The following ESYT2 variants were observed in gnomAD, a reference collection of about 807,000 sequenced individuals.
ESYT2 encodes the protein extended synaptotagmin 2.
Under a neutral mutation model 107.2 loss-of-function variants are expected in ESYT2, and 54 were observed. The observed-to-expected ratio is 0.50, with a 90% CI of 0.40 to 0.63. ESYT2 has a LOEUF of 0.63. Ranked by LOEUF, ESYT2 falls within the 30% of genes least tolerant of loss-of-function variation. The pLI is 0.00. For missense variants in ESYT2, 1,020 were observed against 1,094.5 expected, an observed-to-expected ratio of 0.93 and a Z score of 0.96; for synonymous variants, 491 against 434.1, an observed-to-expected ratio of 1.13 and a Z score of -1.63.
At chr7:158,757,791 T>C (rs1013242290) in intron 13 of ESYT2, among the ~76,000 whole-genome samples, 12 of 152,134 alleles carry the variant, frequency 7.9e-5, no homozygotes, top group Admixed American at 3.3e-4. Flanking sequence ...TTTGCTTATG[T>C]GACATTATTC....
At chr7:158,823,368 C>G (rs1323206149) in intron 1 of ESYT2, among the ~76,000 whole-genome samples, 2 of 148,896 alleles carry the variant, frequency 1.3e-5, no homozygotes, top group Non-Finnish European at 3.0e-5. Flanking sequence ...GCTCTGTCGC[C>G]CAGGCTGGAG....
At chr7:158,799,272 AAC>A (rs1839562414) in intron 1 of ESYT2, among the ~76,000 whole-genome samples, 200 bp from the exon 2 acceptor site, 1 of 152,208 alleles carries the variant, frequency 6.6e-6, no homozygotes. Context: ...ACGTTCTGAG[AAC>A]ACAATGAGCA....
chr7:158,768,281 C>G (rs574630382), intron 7 of ESYT2, among the ~76,000 whole-genome samples: 1 of 152,216 alleles, frequency 6.6e-6, no homozygotes. Context: ...CCAGTCCCCA[C>G]TGAAGGAGAA....
chr7:158,737,300 A>C, intron 19 of ESYT2, 121 bp from the exon 20 acceptor site: 1 of 1,334,412 alleles, frequency 7.5e-7, no homozygotes, highest in African/African-American at 1.5e-5. Flanking sequence ...AGAAGCAACA[A>C]GGAACAGAAT....
rs114834634 is a variant in ESYT2, at chr7:158,734,662, G to A, written c.2506-191C>T. ...CAAATTTATCTGGGCGTGCTGACAC[G>A]CACCTTGGTCCCAGCAACTCGGGAG... On this transcript the variant is annotated intron_variant, in intron 21 of 22. Transcript: ENST00000275418. Among the ~76,000 whole-genome samples the A allele has an allele frequency of 4.6e-3, 697 of 152,334 alleles. 3 individuals carry two copies. Among genetic ancestry groups the A allele is most frequent in the African/African-American group, 0.016 (671 of 41,582 alleles).
chr7:158,763,215 T>C, intron 9 of ESYT2, 50 bp from the exon 10 acceptor site: 1 of 1,310,304 alleles, frequency 7.6e-7, no homozygotes, highest in Non-Finnish European at 1.1e-6. Context: ...AATATAGTCA[T>C]ACACTGAGTA....
intron 1 of ESYT2, among the ~76,000 whole-genome samples, 174 bp from the exon 2 acceptor site, chr7:158,799,246 G>A (rs1360405408): frequency 6.6e-6 from 1 of 152,162 alleles, no homozygotes; most frequent in African/African-American, 2.4e-5. Flanking sequence ...TGAAATGCAT[G>A]GCACCCCAGC....
At chr7:158,816,701 T>A (rs1055117130) in intron 1 of ESYT2, among the ~76,000 whole-genome samples, 38 of 152,348 alleles carry the variant, frequency 2.5e-4, no homozygotes, top group Middle Eastern at 3.4e-3. Flanking sequence ...CCTGCTCCAG[T>A]ACTCACGTTG....
rs1212424723 is a variant in ESYT2, at chr7:158,767,733, T to TA, written c.844dup (p.Tyr282LeufsTer15). 1 of 1,613,186 alleles carries TA rather than the reference T, an allele frequency of 6.2e-7. No homozygotes were observed. Among genetic ancestry groups the TA allele is most frequent in the South Asian group, 1.1e-5 (1 of 90,820 alleles). ...GGTGATTCGATTGGGAAGCACCAGA[T>TA]AGTTTGATATTATATCCAAAATGAT... is the stretch of plus-strand genomic sequence containing the variant. On this transcript the variant is annotated frameshift_variant, in exon 8 of 23. Coordinates refer to ENST00000275418, the MANE Select transcript of ESYT2 (RefSeq NM_001367773.1). LOFTEE classifies it high-confidence loss of function.
At chr7:158,793,791 T>C (rs1839379373) in intron 3 of ESYT2, 65 bp from the exon 4 acceptor site, 3 of 1,236,240 alleles carry the variant, frequency 2.4e-6, no homozygotes, top group African/African-American at 3.0e-5. Flanking sequence ...CCGTGTAACA[T>C]ACCATAGAGA....
intron 16 of ESYT2, among the ~76,000 whole-genome samples, chr7:158,746,835 C>T (rs753625386): frequency 1.3e-4 from 20 of 151,980 alleles, no homozygotes; most frequent in African/African-American, 4.8e-4. Flanking sequence ...CAGGAGTCTG[C>T]GACCAGTCTG....
intron 6 of ESYT2, among the ~76,000 whole-genome samples, chr7:158,784,901 G>A (rs902862415): frequency 3.9e-5 from 6 of 152,128 alleles, no homozygotes; most frequent in Non-Finnish European, 8.8e-5. Context: ...GAACATGTTT[G>A]GAGTAAGCCT....
intron 6 of ESYT2, among the ~76,000 whole-genome samples, chr7:158,781,825 TAACGAG>T (rs1838837296): frequency 1.4e-5 from 2 of 145,626 alleles, no homozygotes; most frequent in Non-Finnish European, 3.0e-5. Context: ...GTGAGTGTAA[TAACGAG>T]AACAAGTGTG....
intron 1 of ESYT2, among the ~76,000 whole-genome samples, chr7:158,823,458 C>CT (rs1840348331): frequency 2.0e-5 from 3 of 150,582 alleles, no homozygotes; most frequent in African/African-American, 7.3e-5. Context: ...TCCCGAGTAG[C>CT]TGGGACTACA....
At chr7:158,774,489 AC>A (rs5888772) in intron 6 of ESYT2, among the ~76,000 whole-genome samples, 143,511 of 152,242 alleles carry the variant, frequency 0.94, 67,689 homozygotes, top group Middle Eastern at 0.96. Flanking sequence ...CACCCATTGA[AC>A]CCACCTGGCT....
chr7:158,791,492 G>A (rs964440884), intron 4 of ESYT2, among the ~76,000 whole-genome samples: 2 of 152,182 alleles, frequency 1.3e-5, no homozygotes, highest in Non-Finnish European at 2.9e-5. Flanking sequence ...AAGGTTTTGA[G>A]GAACTGTTTC....
At chr7:158,783,949 G>A (rs575601376) in intron 6 of ESYT2, among the ~76,000 whole-genome samples, 14 of 152,320 alleles carry the variant, frequency 9.2e-5, no homozygotes, top group Non-Finnish European at 1.8e-4. Context: ...GCTGGGGAGA[G>A]GTCCCTTAAG....
At chr7:158,823,114 G>A (rs1003311136) in intron 1 of ESYT2, among the ~76,000 whole-genome samples, 9 of 151,448 alleles carry the variant, frequency 5.9e-5, no homozygotes, top group African/African-American at 2.2e-4. Context: ...GCAACATGGT[G>A]AAACCCTGTC....
At chr7:158,741,973 CTT>C in intron 17 of ESYT2, 77 bp from the exon 18 acceptor site, 1 of 1,436,024 alleles carries the variant, frequency 7.0e-7, no homozygotes, top group South Asian at 1.5e-5. Context: ...CCTGGGATGT[CTT>C]TACCTGCAAA....
Sources: gnomAD v4.1 joint callset for allele counts (sites outside exome capture counted in the v4.1 genomes callset) on GRCh38, gnomAD v4.1.1 for gene constraint, MANE v1.5 for transcripts, NCBI Gene and HGNC (gene_info 2026-07-23, HGNC 2026-07-21) for gene names.